Variants in CACTIN observed in about 807,000 individuals in gnomAD.
CACTIN encodes splicing factor Cactin.
In CACTIN, 20 loss-of-function variants were observed where a neutral mutation model predicts 84.9. The ratio of observed to expected loss-of-function variants is 0.24; its 90% CI spans 0.17 to 0.34. CACTIN has a LOEUF of 0.34. Ranked by LOEUF, CACTIN falls within the 10% of genes least tolerant of loss-of-function variation. The pLI, the probability that CACTIN is intolerant of heterozygous loss-of-function variation, is 1.00. For missense variants in CACTIN, 897 were observed against 1,117.2 expected (o/e 0.80, Z 2.81); for synonymous variants, 549 against 467.9 (o/e 1.17, Z -2.24).
chr19:3,612,468 C>G, intron 9 of CACTIN, 55 bp from the exon 10 acceptor site: 2 of 1,502,716 alleles, frequency 1.3e-6, no homozygotes, highest in Non-Finnish European at 1.8e-6. Context: ...GTCCTGGCCT[C>G]CCTCCTAGCC....
intron 6 of CACTIN, chr19:3,614,860 C>G: frequency 3.8e-6 from 2 of 525,162 alleles, no homozygotes; most frequent in East Asian, 6.8e-5. Context: ...TGGGGGAGGC[C>G]AGGACTGGCC....
At chr19:3,613,611 C>T (rs370432546) in intron 7 of CACTIN, 25 bp from the exon 8 acceptor site, 38 of 1,587,130 alleles carry the variant, frequency 2.4e-5, no homozygotes, top group African/African-American at 4.0e-5. Flanking sequence ...CGGGGTCACC[C>T]GCATGGAGGC....
intron 6 of CACTIN, among the ~76,000 whole-genome samples, chr19:3,617,808 G>A (rs1480381199): frequency 6.6e-6 from 1 of 152,220 alleles, no homozygotes; most frequent in African/African-American, 2.4e-5. Context: ...TGATGCTGGA[G>A]AACTGCCCTG....
intron 1 of CACTIN, among the ~76,000 whole-genome samples, chr19:3,625,773 C>G (rs1309543208): frequency 6.6e-6 from 1 of 152,206 alleles, no homozygotes; most frequent in East Asian, 1.9e-4. Context: ...TGAACTTGGC[C>G]CAGAGCGGGG....
rs150677848 is a variant in CACTIN at position 3,610,889 on chromosome 19, C to T, written c.*1034G>A. 35 of 456,740 alleles carry T rather than the reference C, an allele frequency of 7.7e-5. No homozygotes were observed. Among genetic ancestry groups the T allele is most frequent in the African/African-American group, 4.4e-4 (22 of 50,198 alleles). 28.3% of individuals were successfully genotyped at this position (456,740 alleles called of 1,614,324 possible). A position where few individuals can be genotyped will look rare whatever the true frequency, so the allele number is the denominator to read the frequency against. Reference sequence around the variant, plus strand: ...GTTTTGCTTCTGTTGGAGATGTTCCCGTCGGATGCTGAAGAACAAGCCTGC... The same window carrying T: ...GTTTTGCTTCTGTTGGAGATGTTCCTGTCGGATGCTGAAGAACAAGCCTGC... On this transcript the variant is annotated 3_prime_UTR_variant, in exon 10 of 10. Transcript: ENST00000429344.
chr19:3,617,584 A>T (rs986334549), intron 6 of CACTIN, among the ~76,000 whole-genome samples: 2 of 150,924 alleles, frequency 1.3e-5, no homozygotes, highest in Admixed American at 6.6e-5. Context: ...CCAGGCTTAT[A>T]GGAGAGGCCG....
chr19:3,624,060 T>C lies in CACTIN; in HGVS notation c.270A>G (p.Ser90=). 1.9e-6 allele frequency: 3 copies of C among 1,603,762 alleles called. No individual in the cohort carries two copies. Among genetic ancestry groups the C allele is most frequent in the Non-Finnish European group, 2.5e-6 (3 of 1,179,576 alleles). ...HSRDGSSQSD[S]GEEQSRGQWA... ...ACTGGCCCCGTGACTGCTCCTCTCC[T>C]GAGTCCGACTGAGAGGACCCATCTC... Residue 90 remains serine, a synonymous_variant, in exon 2 of 10, where the codon TCA becomes TCG. Transcript: ENST00000429344.
At chr19:3,621,800 G>A (rs563525387) in intron 2 of CACTIN, among the ~76,000 whole-genome samples, 48 of 152,314 alleles carry the variant, frequency 3.2e-4, no homozygotes, top group African/African-American at 1.2e-3. Flanking sequence ...GAGAACAGCC[G>A]GGGAAGGGGC....
Position 3,613,160 on chromosome 19 carries a change from G to C in CACTIN, c.1684C>G (p.Arg562Gly), listed in dbSNP as rs371323853. Residue 562 changes from arginine to glycine, a missense_variant, in exon 9 of 10, where the codon CGG (arginine) becomes GGG (glycine). Arg to Gly is a moderately radical substitution (Grantham distance 125). This residue lies in a region of CACTIN where 243 missense variants were observed against 239.9 expected (regional missense o/e 1.01). Transcript: ENST00000429344. ...GGCAGCTCGTGCGCCGTGAGCAGCCGCGGGCTGTACCTGCCGGCGTCGTAG... is the reference window on the plus strand; with the variant it reads ...GGCAGCTCGTGCGCCGTGAGCAGCCCCGGGCTGTACCTGCCGGCGTCGTAG... Reference protein sequence around the residue: ...DDYDAGRYSPRLLTAHELPLD... With the variant: ...DDYDAGRYSPGLLTAHELPLD... The C allele has an allele frequency of 2.7e-5, 44 of 1,610,318 alleles. No homozygotes were observed. In the South Asian group the frequency reaches 4.4e-4, roughly 16 times the overall value.
intron 6 of CACTIN, chr19:3,614,933 G>A (rs563176933): frequency 1.3e-5 from 5 of 388,522 alleles, no homozygotes; most frequent in East Asian, 1.2e-4. Context: ...TTGTGGGCCC[G>A]GCCCACCAAC....
At position 3,623,799 on chromosome 19, in the gene CACTIN, C is replaced by T. The variant is rs1481325043; in HGVS notation, c.531G>A (p.Lys177=). 6.2e-7 allele frequency: 1 copy of T among 1,613,872 alleles called. No homozygotes were observed. The highest frequency in any genetic ancestry group is 8.5e-7 in the Non-Finnish European group (1 of 1,179,886). ...CCATCTTCTCCCGCTTCTTGCGCTC[C>T]TTGGCCTCCTTCTTGGCCAGCCGCC... ...RARRLAKKEA[K]ERKKREKMGW... is the part of the protein sequence containing the mutation. Residue 177 remains lysine, a synonymous_variant, in exon 2 of 10, where the codon AAG becomes AAA. Coordinates refer to ENST00000429344, the MANE Select transcript of CACTIN (RefSeq NM_001080543.2).
In CACTIN at chr19:3,624,142, C is replaced by A; in HGVS notation, c.188G>T (p.Arg63Leu). 6.4e-7 allele frequency: 1 copy of A among 1,568,050 alleles called. No homozygotes were observed. The highest frequency in any genetic ancestry group is 8.6e-7 in the Non-Finnish European group (1 of 1,159,098). The change falls in exon 2 of 10, where the codon CGG (arginine) becomes CTG (leucine). Residue 63 changes from arginine to leucine, a missense_variant. Transcript: ENST00000429344. ...RERRSDSEEE[R>L]WQRSGMRSRS... The stretch of plus-strand genomic sequence containing the variant: ...GCTTCGCATCCCTGAGCGCTGCCAC[C>A]GCTCTTCCTCTGAATCTGACCTGCG...
In CACTIN at chr19:3,626,579, T is replaced by C. The variant is rs370841376; in HGVS notation, c.167+17A>G. ...GTAGGAGCCGGATCCCCAGCGCTGC[T>C]CCCGCAGCGACCCCACCTGCGCTCC... On this transcript the variant is annotated intron_variant, in intron 1 of 9. Transcript: ENST00000429344. 2 of 1,426,558 alleles carry C rather than the reference T, an allele frequency of 1.4e-6. No individual in the cohort carries two copies. Among genetic ancestry groups the C allele is most frequent in the African/African-American group, 1.5e-5 (1 of 66,982 alleles). 88.4% of individuals were successfully genotyped at this position (1,426,558 alleles called of 1,614,324 possible). A position where few individuals can be genotyped will look rare whatever the true frequency, so the allele number is the denominator to read the frequency against.
rs1159429266 is a variant in CACTIN, at chr19:3,620,756, T to C, written c.689A>G (p.Lys230Arg). ...GISHLEEKEL[K>R]ERNKRIQEDN... ...CTCCTGGATCCTCTTGTTCCGCTCC[T>C]TCAGCTCCTTCTCCTCCAGGTGGCT... is the stretch of plus-strand genomic sequence containing the variant. Residue 230 changes from lysine to arginine, a missense_variant, in exon 3 of 10, where the codon AAG becomes AGG. Transcript: ENST00000429344. 1 of 1,613,468 alleles carries C rather than the reference T, an allele frequency of 6.2e-7. No individual in the cohort carries two copies. The highest frequency in any genetic ancestry group is 1.3e-5 in the African/African-American group (1 of 74,922).
chr19:3,618,352 C>G (rs571313955), intron 6 of CACTIN, among the ~76,000 whole-genome samples: 26 of 152,252 alleles, frequency 1.7e-4, no homozygotes, highest in Admixed American at 1.6e-3. Context: ...AACGGCCCAG[C>G]CCGCATGTCC....
At chr19:3,613,440 C>T (rs2033022483) in intron 8 of CACTIN, 24 bp downstream of exon 8, 8 of 1,559,134 alleles carry the variant, frequency 5.1e-6, no homozygotes, top group Non-Finnish European at 6.9e-6. Flanking sequence ...GCATCGGCGT[C>T]CCCGGGGTGC....
intron 6 of CACTIN, chr19:3,616,211 GA>G (rs2033103547): frequency 6.6e-6 from 1 of 152,258 alleles, no homozygotes; most frequent in Admixed American, 6.5e-5. Context: ...TAATGAAGCT[GA>G]GCTGGGATGA....
chr19:3,622,081 C>T (rs911137508), intron 2 of CACTIN, among the ~76,000 whole-genome samples: 2 of 152,140 alleles, frequency 1.3e-5, no homozygotes, highest in Non-Finnish European at 2.9e-5. Flanking sequence ...GAAATGAGGT[C>T]TTGGCCAGGT....
intron 2 of CACTIN, among the ~76,000 whole-genome samples, chr19:3,622,618 G>A (rs1401789622): frequency 6.6e-6 from 1 of 152,236 alleles, no homozygotes; most frequent in Non-Finnish European, 1.5e-5. Flanking sequence ...ACTGGAGCTG[G>A]GAGAGGCAGG....
Sources: allele counts gnomAD v4.1 joint callset (sites outside exome capture counted in the v4.1 genomes callset), GRCh38; gene constraint gnomAD v4.1.1; regional missense constraint gnomAD v4.1.1; transcripts MANE v1.5; gene names NCBI Gene and HGNC (gene_info 2026-07-23, HGNC 2026-07-21).